Variants in SLC22A11 observed in about 807,000 individuals in gnomAD.
SLC22A11 encodes solute carrier family 22 member 11.
Under a neutral mutation model 49.4 loss-of-function variants are expected in SLC22A11, and 42 were observed. The ratio of observed to expected loss-of-function variants is 0.85; its 90% CI spans 0.66 to 1.10. The LOEUF (loss-of-function observed/expected upper bound fraction) is 1.10. Among genes scored for constraint, SLC22A11 ranks in the 50% least tolerant of loss-of-function variants. SLC22A11 has a pLI of 0.00. For synonymous variants in SLC22A11, 304 were observed against 315.8 expected (o/e 0.96, Z 0.40); for missense variants, 685 against 731.6 (o/e 0.94, Z 0.74).
rs1483459811 is a variant in SLC22A11, at chr11:64,565,675, C to A, written c.1058+338C>A. The A allele has an allele frequency of 2.4e-6, 1 of 422,096 alleles. No homozygotes were observed. The highest frequency in any genetic ancestry group is 4.6e-6 in the Non-Finnish European group (1 of 215,142). 26.1% of individuals were successfully genotyped at this position (422,096 alleles called of 1,614,324 possible). A position where few individuals can be genotyped will look rare whatever the true frequency, so the allele number is the denominator to read the frequency against. The stretch of plus-strand genomic sequence containing the variant: ...GGGGACCAGCCACGGCCGAGGAGTA[C>A]CACTGTGTGTCATCGTTAGAGACTT... On this transcript the variant is annotated intron_variant, in intron 6 of 9. Transcript: ENST00000301891. The surrounding 1 kb of genome is among the most constrained non-coding windows in gnomAD (Gnocchi z 4.1).
At chr11:64,568,838 GA>G (rs1228530645) in intron 8 of SLC22A11, 60 bp downstream of exon 8, 1 of 1,428,400 alleles carries the variant, frequency 7.0e-7, no homozygotes, top group Admixed American at 1.7e-5. Context: ...AGGGCGGTGG[GA>G]AGGGAAAGAA....
Position 64,562,090 on chromosome 11 carries a change from TCTACTGCGGCCTG to T in SLC22A11, c.586_598del (p.Tyr196GlyfsTer13). ...ACCATCTTCGCCCCAACATTCGTCA[TCTACTGCGGCCTG>T]CGGTTCGTGGCCGCTTTTGGGATGG... On this transcript the variant is annotated frameshift_variant, in exon 3 of 10. Transcript: ENST00000301891. LOFTEE classifies it high-confidence loss of function. The surrounding 1 kb of genome is among the most constrained non-coding windows in gnomAD (Gnocchi z 4.4). 1.2e-6 allele frequency: 2 copies of T among 1,613,904 alleles called. No homozygotes were observed. Among genetic ancestry groups the T allele is most frequent in the East Asian group, 4.5e-5 (2 of 44,878 alleles).
intron 1 of SLC22A11, among the ~76,000 whole-genome samples, chr11:64,558,146 G>C (rs759983105): frequency 2.0e-5 from 3 of 152,088 alleles, no homozygotes; most frequent in Non-Finnish European, 4.4e-5. Flanking sequence ...CATGGCCCAG[G>C]CTGGTCTTGA....
In SLC22A11 at chr11:64,565,421, A is replaced by G. The variant is rs1353659478; in HGVS notation, c.1058+84A>G. 8.8e-7 allele frequency: 1 copy of G among 1,140,716 alleles called. No homozygotes were observed. Among genetic ancestry groups the G allele is most frequent in the East Asian group, 2.6e-5 (1 of 39,012 alleles). The allele number at this position is 1,140,716 out of a possible 1,614,324, so 70.7% of individuals were successfully genotyped here. On this transcript the variant is annotated intron_variant, in intron 6 of 9. Transcript: ENST00000301891. This position sits in a 1 kb window ranked among gnomAD's most constrained non-coding sequence, Gnocchi z 4.1. ...GGGACAGGCAGGAGGCAGAGCGTCC[A>G]GGGGAAACAGCACCCGCAGGCCTCA...
chr11:64,565,394 C>A lies in SLC22A11; in HGVS notation c.1058+57C>A. The A allele has an allele frequency of 1.4e-6, 2 of 1,400,712 alleles. No homozygotes were observed. Among genetic ancestry groups the A allele is most frequent in the Middle Eastern group, 1.9e-4 (1 of 5,198 alleles). 86.8% of individuals were successfully genotyped at this position (1,400,712 alleles called of 1,614,324 possible). On this transcript the variant is annotated intron_variant, in intron 6 of 9. Transcript: ENST00000301891. This position sits in a 1 kb window ranked among gnomAD's most constrained non-coding sequence, Gnocchi z 4.1. ...GGGCTGGGACAGGCAGGAGGCAGAG[C>A]TGGGACAGGCAGGAGGCAGAGCGTC...
intron 2 of SLC22A11, among the ~76,000 whole-genome samples, chr11:64,560,079 C>A (rs898641506): frequency 1.3e-5 from 2 of 151,196 alleles, no homozygotes; most frequent in African/African-American, 2.4e-5. Flanking sequence ...CCCCTCACTC[C>A]CCCAGCAGCC....
intron 1 of SLC22A11, 119 bp downstream of exon 1, chr11:64,556,511 A>G: frequency 6.9e-7 from 1 of 1,449,748 alleles, no homozygotes. Context: ...CGAGCCTCTC[A>G]GCCCCTCGTC....
At position 64,558,231 on chromosome 11, in the gene SLC22A11, G is replaced by A. The variant is rs994476345; in HGVS notation, c.394-904G>A. On this transcript the variant is annotated intron_variant, in intron 1 of 9. Transcript: ENST00000301891. ...ATTACAGGCATGAGCCACTGTGCCC[G>A]GGATTTTCTTTTAAATGCAAAAGAA... Among the ~76,000 whole-genome samples the A allele has an allele frequency of 4.6e-5, 7 of 152,186 alleles. No homozygotes were observed. In the South Asian group the frequency reaches 8.3e-4, roughly 18 times the overall value.
chr11:64,567,272 C>T (rs954649878), intron 6 of SLC22A11, among the ~76,000 whole-genome samples: 5 of 152,210 alleles, frequency 3.3e-5, no homozygotes, highest in South Asian at 2.1e-4. Flanking sequence ...AGGGCTAGTC[C>T]GGAAGTGAGG....
Position 64,562,076 on chromosome 11 carries a change from C to G in SLC22A11, c.570C>G (p.Ala190=), listed in dbSNP as rs200198451. The change falls in exon 3 of 10, where the codon GCC becomes GCG. Residue 190 remains alanine (A), a synonymous_variant. Coordinates refer to ENST00000301891, the MANE Select transcript of SLC22A11 (RefSeq NM_018484.4). The surrounding 1 kb of genome is among the most constrained non-coding windows in gnomAD (Gnocchi z 4.4). ...LAVAGTSTIF[A]PTFVIYCGLR... Reference sequence around the variant, plus strand: ...TGGCGGGCACCAGCACCATCTTCGCCCCAACATTCGTCATCTACTGCGGCC... The same window carrying G: ...TGGCGGGCACCAGCACCATCTTCGCGCCAACATTCGTCATCTACTGCGGCC... 13 of 1,613,900 alleles carry G rather than the reference C, an allele frequency of 8.1e-6. No homozygotes were observed. Among genetic ancestry groups the G allele is most frequent in the Middle Eastern group, 1.7e-4 (1 of 6,060 alleles).
chr11:64,559,702 T>G (rs1014751389), intron 2 of SLC22A11, among the ~76,000 whole-genome samples: 2 of 151,312 alleles, frequency 1.3e-5, no homozygotes, highest in African/African-American at 2.4e-5. Flanking sequence ...GAAGGGGCGG[T>G]GGGGAGGGTG....
intron 2 of SLC22A11, among the ~76,000 whole-genome samples, chr11:64,561,639 A>G (rs914046580): frequency 1.4e-5 from 2 of 142,812 alleles, no homozygotes; most frequent in Admixed American, 6.8e-5. Context: ...TTATTTATTT[A>G]TTTATTTATT....
In SLC22A11 at chr11:64,567,737, T is replaced by C. The variant is rs754811716; in HGVS notation, c.1197T>C (p.Leu399=). 6.2e-7 allele frequency: 1 copy of C among 1,613,322 alleles called. No individual in the cohort carries two copies. Among genetic ancestry groups the C allele is most frequent in the East Asian group, 2.2e-5 (1 of 44,864 alleles). The part of the protein sequence containing the change: ...RATTALLLSF[L]GRRTIQAGSQ... ...CCACTGCCCTCTTGCTCAGTTTCCTTGGCCGCCGCACCATCCAGGCGGGTT... is the reference window on the plus strand; with the variant it reads ...CCACTGCCCTCTTGCTCAGTTTCCTCGGCCGCCGCACCATCCAGGCGGGTT... The change falls in exon 7 of 10, where the codon CTT becomes CTC. Residue 399 remains leucine (L), a synonymous_variant. Coordinates refer to ENST00000301891, the MANE Select transcript of SLC22A11 (RefSeq NM_018484.4).
chr11:64,564,434 A>G lies in SLC22A11; in HGVS notation c.942+6A>G. The G allele has an allele frequency of 1.2e-6, 2 of 1,613,896 alleles. No homozygotes were observed. The highest frequency in any genetic ancestry group is 1.7e-6 in the Non-Finnish European group (2 of 1,179,894). The stretch of plus-strand genomic sequence containing the variant: ...CCAAGAACCTGACCATAGAGGTGAG[A>G]TGCTGCTGTCTGCGAGACTTGACCT... On this transcript the variant is annotated splice_donor_region_variant and intron_variant, in intron 5 of 9. Coordinates refer to ENST00000301891, the MANE Select transcript of SLC22A11 (RefSeq NM_018484.4). This position sits in a 1 kb window ranked among gnomAD's most constrained non-coding sequence, Gnocchi z 4.2.
Position 64,556,260 on chromosome 11 carries a change from C to G in SLC22A11, c.261C>G (p.Arg87=). ...GPNQGPHQCR[R]FRQPQWQLLD... ...ACCAGGGGCCCCACCAGTGCCGCCG[C>G]TTCCGCCAGCCACAGTGGCAGCTCT... is the stretch of plus-strand genomic sequence containing the variant. Residue 87 remains arginine, a synonymous_variant, in exon 1 of 10, where the codon CGC becomes CGG. Transcript: ENST00000301891. 1 of 1,613,858 alleles carries G rather than the reference C, an allele frequency of 6.2e-7. No individual in the cohort carries two copies. Among genetic ancestry groups the G allele is most frequent in the Non-Finnish European group, 8.5e-7 (1 of 1,180,036 alleles).
Position 64,559,124 on chromosome 11 carries a change from T to G in SLC22A11, c.394-11T>G. ...CCCCCCGAGCTGAGCCACTGCACCCTCCTCTTGCAGTGGGACCTGGTGTGC... is the reference window on the plus strand; with the variant it reads ...CCCCCCGAGCTGAGCCACTGCACCCGCCTCTTGCAGTGGGACCTGGTGTGC... On this transcript the variant is annotated splice_polypyrimidine_tract_variant and intron_variant, in intron 1 of 9. Transcript: ENST00000301891. 1 of 1,609,722 alleles carries G rather than the reference T, an allele frequency of 6.2e-7. No homozygotes were observed.
rs966723535 is a variant in SLC22A11 at position 64,555,982 on chromosome 11, G to C, written c.-18G>C. 6 of 1,583,978 alleles carry C rather than the reference G, an allele frequency of 3.8e-6. No individual in the cohort carries two copies. In the Admixed American group the frequency reaches 1.0e-4, roughly 27 times the overall value. On this transcript the variant is annotated 5_prime_UTR_variant, in exon 1 of 10. Transcript: ENST00000301891. ...AGCAGTTAGGTCAGCAGTCCGCTCA[G>C]CCGAGGCAGCTCTGTTCATGGCGTT... is the stretch of plus-strand genomic sequence containing the variant.
chr11:64,569,881 G>A (rs1365993673), intron 9 of SLC22A11, 23 bp downstream of exon 9: 3 of 1,608,310 alleles, frequency 1.9e-6, no homozygotes, highest in Non-Finnish European at 2.5e-6. Context: ...TGATCCCTGG[G>A]CATCGGGCTG....
chr11:64,569,686 C>A lies in SLC22A11; in HGVS notation c.1417C>A (p.Arg473=), dbSNP rs779432930. The A allele has an allele frequency of 2.5e-6, 4 of 1,614,102 alleles. No individual in the cohort carries two copies. Among genetic ancestry groups the A allele is most frequent in the African/African-American group, 1.3e-5 (1 of 75,040 alleles). Residue 473 remains arginine, a synonymous_variant, in exon 9 of 10, where the codon CGG becomes AGG. Transcript: ENST00000301891. Reference sequence around the variant, plus strand: ...AGATGGCATTCTGCATACAGTGGGCCGGCTGGGGGCTATGATGGGTCCCCT... The same window carrying A: ...AGATGGCATTCTGCATACAGTGGGCAGGCTGGGGGCTATGATGGGTCCCCT... ...TADGILHTVG[R]LGAMMGPLIL...
Sources: gnomAD v4.1 joint callset for allele counts (sites outside exome capture counted in the v4.1 genomes callset) on GRCh38, gnomAD v4.1.1 for gene constraint, Gnocchi (gnomAD v3.1) non-coding constraint, MANE v1.5 for transcripts, NCBI Gene and HGNC (gene_info 2026-07-23, HGNC 2026-07-21) for gene names.